Variants in USP50 observed in about 807,000 individuals in gnomAD.
USP50 encodes ubiquitin specific peptidase 50, also known as ubiquitin carboxyl-terminal hydrolase 50.
USP50 carries 37 observed loss-of-function variants against 39.2 expected under a neutral mutation model. The ratio of observed to expected loss-of-function variants is 0.94; its 90% CI spans 0.73 to 1.24. USP50 has a LOEUF of 1.24. Among genes scored for constraint, USP50 ranks in the 50% most tolerant of loss-of-function variants. The pLI, the probability that USP50 is intolerant of heterozygous loss-of-function variation, is 0.00. For missense variants in USP50, 374 were observed against 398.2 expected (o/e 0.94, Z 0.52); for synonymous variants, 139 against 144.5 (o/e 0.96, Z 0.27).
At chr15:50,507,340 C>T (rs1473416921) in intron 6 of USP50, 1 of 152,148 alleles carries the variant, frequency 6.6e-6, no homozygotes, top group East Asian at 1.9e-4. Context: ...ACATTTAGAA[C>T]TCAGAAAAGG....
At position 50,544,075 on chromosome 15, in the gene USP50, G is replaced by C. The variant is rs892449179; in HGVS notation, c.249-282C>G. Reference sequence around the variant, plus strand: ...AGGCTCAGTGGCTCACACCTGTAATGCCAGCACTTTGGGGGGCCGAGGTGG... The same window carrying C: ...AGGCTCAGTGGCTCACACCTGTAATCCCAGCACTTTGGGGGGCCGAGGTGG... On this transcript the variant is annotated intron_variant, in intron 2 of 6. Transcript: ENST00000532404. The C allele has an allele frequency of 1.0e-4, 41 of 398,878 alleles. No individual in the cohort carries two copies. In the East Asian group the frequency reaches 1.8e-3, roughly 17 times the overall value. The allele number at this position is 398,878 out of a possible 1,614,324, so 24.7% of individuals were successfully genotyped here. A position where few individuals can be genotyped will look rare whatever the true frequency, so the allele number is the denominator to read the frequency against.
intron 6 of USP50, chr15:50,506,832 C>T (rs2052667229): frequency 6.6e-6 from 1 of 151,994 alleles, no homozygotes; most frequent in Non-Finnish European, 1.5e-5. Flanking sequence ...GTGGCAGGCG[C>T]CTATAGTCCC....
intron 6 of USP50, among the ~76,000 whole-genome samples, chr15:50,524,660 T>C (rs565728982): frequency 3.9e-5 from 6 of 152,322 alleles, no homozygotes; most frequent in African/African-American, 1.4e-4. Flanking sequence ...CTGTACTTTG[T>C]TGGTGGGAAT....
chr15:50,519,787 ACTGG>A (rs1349695915), intron 6 of USP50, among the ~76,000 whole-genome samples: 1 of 152,090 alleles, frequency 6.6e-6, no homozygotes, highest in Non-Finnish European at 1.5e-5. Context: ...AATAACAAAT[ACTGG>A]CAAGGATACA....
chr15:50,532,013 A>G lies in USP50; in HGVS notation c.804-2084T>C, dbSNP rs139850751. On this transcript the variant is annotated intron_variant, in intron 5 of 6. Coordinates refer to ENST00000532404, the MANE Select transcript of USP50 (RefSeq NM_203494.5). ...AAACATAGAGAATCACAGACTTACC[A>G]GAGCCAAAACTGCCGAGCAGAAACC... is the stretch of plus-strand genomic sequence containing the variant. The G allele has an allele frequency of 2.1e-3, 884 of 414,946 alleles. 5 individuals carry two copies. Among genetic ancestry groups the G allele is most frequent in the African/African-American group, 0.017 (826 of 48,560 alleles). 25.7% of individuals were successfully genotyped at this position (414,946 alleles called of 1,614,324 possible).
chr15:50,493,143 G>A (rs1448545844), downstream of USP50: 18 of 611,824 alleles, frequency 2.9e-5, no homozygotes, highest in Middle Eastern at 4.3e-4. Flanking sequence ...AGGTGGAAGC[G>A]AAAGAGGACA....
At position 50,495,234 on chromosome 15, in the gene USP50, A is replaced by G. The variant is rs12917204; in HGVS notation, n.185-1104T>C. 4.4e-4 allele frequency among the ~76,000 whole-genome samples: 49 copies of G among 111,102 alleles called. 1 individual carries two copies. The highest frequency in any genetic ancestry group is 9.5e-4 in the African/African-American group (33 of 34,822). The allele number at this position is 111,102 out of a possible 152,430, so 72.9% of individuals were successfully genotyped here. A position where few individuals can be genotyped will look rare whatever the true frequency, so the allele number is the denominator to read the frequency against. On this transcript the variant is annotated intron_variant and non_coding_transcript_variant, in intron 1 of 1. Transcript: ENST00000560159. ...CACACCTACACAAAAATATTTGTGT[A>G]TATATATATACGTGTATATATACAT...
intron 6 of USP50, among the ~76,000 whole-genome samples, chr15:50,525,535 T>C (rs1477231319): frequency 2.4e-5 from 2 of 82,600 alleles, no homozygotes; most frequent in Admixed American, 3.0e-4. Flanking sequence ...TGTATATGTA[T>C]ATGTATATAT....
At chr15:50,494,869 G>C (rs1287573027) in intron 1 of USP50, among the ~76,000 whole-genome samples, 1 of 152,098 alleles carries the variant, frequency 6.6e-6, no homozygotes, top group African/African-American at 2.4e-5. Context: ...ACAAAAATTG[G>C]CTGGGTGTAG....
chr15:50,545,057 G>T (rs2141383169), intron 1 of USP50, among the ~76,000 whole-genome samples: 1 of 152,224 alleles, frequency 6.6e-6, no homozygotes, highest in African/African-American at 2.4e-5. Context: ...GGGTAACATA[G>T]TGAGATCTTG....
intron 6 of USP50, among the ~76,000 whole-genome samples, chr15:50,519,681 G>C (rs1362466759): frequency 2.6e-5 from 4 of 151,090 alleles, no homozygotes; most frequent in Non-Finnish European, 5.9e-5. Flanking sequence ...TGCCACTGCA[G>C]TCCAGCCTGG....
downstream of USP50, chr15:50,498,651 T>G: frequency 6.2e-7 from 1 of 1,613,160 alleles, no homozygotes. Context: ...GGACTTCCCG[T>G]TAGAAAATCT....
downstream of USP50, chr15:50,499,124 G>A (rs1566896166): frequency 1.0e-5 from 16 of 1,535,490 alleles, no homozygotes; most frequent in Non-Finnish European, 1.3e-5. Flanking sequence ...TCTTTTAAAA[G>A]GCTCAGCAAC....
rs1241380924 is a variant in USP50, at chr15:50,523,182, T to TTTTA, written c.936+6614_936+6615insTAAA. The stretch of plus-strand genomic sequence containing the variant: ...ACATATAAAAATCAGTAGCTTTTTT[T>TTTTA]TTTTTTTTTTTGGTGAGACAGGGTC... On this transcript the variant is annotated intron_variant, in intron 6 of 6. Transcript: ENST00000532404. 6.9e-5 allele frequency among the ~76,000 whole-genome samples: 10 copies of TTTTA among 145,548 alleles called. 1 individual carries two copies. In the East Asian group the frequency reaches 2.0e-3, roughly 29 times the overall value.
chr15:50,493,962 A>G (rs761289808), downstream of USP50: 32 of 1,219,132 alleles, frequency 2.6e-5, no homozygotes, highest in Non-Finnish European at 4.8e-6. Flanking sequence ...AGTTTAATGT[A>G]GTGCTACAGT....
Position 50,529,913 on chromosome 15 carries a change from T to C in USP50, c.820A>G (p.Thr274Ala), listed in dbSNP as rs767491335. 5.0e-6 allele frequency: 8 copies of C among 1,613,868 alleles called. No homozygotes were observed. In the African/African-American group the frequency reaches 1.1e-4, roughly 22 times the overall value. ...FHLKRFDIQG[T>A]TKRKLRTDIH... Reference sequence around the variant, plus strand: ...TCCGTTCTCAGCTTCCTTTTTGTTGTACCCTGAATGTCAAACCTGCAGGTA... The same window carrying C: ...TCCGTTCTCAGCTTCCTTTTTGTTGCACCCTGAATGTCAAACCTGCAGGTA... The change falls in exon 6 of 7, where the codon ACA (threonine) becomes GCA (alanine). Residue 274 changes from threonine to alanine, a missense_variant. Thr to Ala is a moderately conservative substitution (Grantham distance 58). Transcript: ENST00000532404.
chr15:50,530,692 C>T (rs906182460), intron 5 of USP50, among the ~76,000 whole-genome samples: 2 of 152,034 alleles, frequency 1.3e-5, no homozygotes, highest in Non-Finnish European at 2.9e-5. Flanking sequence ...CAAGCCTCAC[C>T]AAAATGAGAC....
intron 1 of USP50, among the ~76,000 whole-genome samples, chr15:50,494,561 CAAAT>C (rs1324745133): frequency 6.6e-6 from 1 of 152,150 alleles, no homozygotes; most frequent in East Asian, 1.9e-4. Context: ...AAATCATAAA[CAAAT>C]GATCTTATAA....
intron 5 of USP50, among the ~76,000 whole-genome samples, chr15:50,533,478 A>G (rs548563398): frequency 5.3e-5 from 8 of 150,798 alleles, no homozygotes; most frequent in East Asian, 3.9e-4. Flanking sequence ...AGTGGGGGGG[A>G]AAAAAACACA....
Sources: gnomAD v4.1 joint callset for allele counts (sites outside exome capture counted in the v4.1 genomes callset) on GRCh38, gnomAD v4.1.1 for gene constraint, MANE v1.5 for transcripts, NCBI Gene and HGNC (gene_info 2026-07-23, HGNC 2026-07-21) for gene names.